The following HIF1A variants were observed in gnomAD, a reference collection of about 807,000 sequenced individuals.
HIF1A encodes the protein hypoxia inducible factor 1 subunit alpha, also known as hypoxia-inducible factor 1-alpha.
Under a neutral mutation model 92.7 loss-of-function variants are expected in HIF1A, and 24 were observed. That is an observed-to-expected ratio of 0.26 (90% CI 0.19 to 0.36). The LOEUF (loss-of-function observed/expected upper bound fraction) is 0.36, where lower values mean the gene tolerates loss of function less well. Ranked by LOEUF, HIF1A falls within the 10% of genes least tolerant of loss-of-function variation. The pLI is 1.00. For missense variants in HIF1A, 799 were observed against 998.5 expected (o/e 0.80, Z 2.69); for synonymous variants, 319 against 338.7 (o/e 0.94, Z 0.64).
chr14:61,747,226 C>T lies in HIF1A; in HGVS notation c.*141C>T. ...GGTTAGTTCAATTTTGATCCCCTTTCTACTTAATTTACATTAATGCTCTTT... is the reference window on the plus strand; with the variant it reads ...GGTTAGTTCAATTTTGATCCCCTTTTTACTTAATTTACATTAATGCTCTTT... On this transcript the variant is annotated 3_prime_UTR_variant, in exon 15 of 15. Transcript: ENST00000337138. The T allele has an allele frequency of 1.7e-6, 1 of 578,534 alleles. No homozygotes were observed. Among genetic ancestry groups the T allele is most frequent in the Non-Finnish European group, 2.9e-6 (1 of 342,552 alleles). The allele number at this position is 578,534 out of a possible 1,614,324, so 35.8% of individuals were successfully genotyped here. A position where few individuals can be genotyped will look rare whatever the true frequency, so the allele number is the denominator to read the frequency against.
Position 61,707,575 on chromosome 14 carries a change from C to G in HIF1A, c.35+11736C>G, listed in dbSNP as rs185000025. On this transcript the variant is annotated intron_variant, in intron 1 of 14. Transcript: ENST00000337138. Reference sequence around the variant, plus strand: ...CGCGGTGTTTGGTTTTTTGTCCTTGCGATAGTTTGCTGAGAATGATGGTTT... The same window carrying G: ...CGCGGTGTTTGGTTTTTTGTCCTTGGGATAGTTTGCTGAGAATGATGGTTT... 2.2e-4 allele frequency among the ~76,000 whole-genome samples: 33 copies of G among 151,706 alleles called. 1 individual carries two copies. In the East Asian group the frequency reaches 3.9e-3, roughly 18 times the overall value.
chr14:61,701,507 A>T (rs1052152970), intron 1 of HIF1A, among the ~76,000 whole-genome samples: 26 of 151,964 alleles, frequency 1.7e-4, no homozygotes, highest in African/African-American at 6.3e-4. Flanking sequence ...CAGCTGAAAA[A>T]TACTATGGTT....
chr14:61,706,707 A>C (rs925098185), intron 1 of HIF1A, among the ~76,000 whole-genome samples: 4 of 152,214 alleles, frequency 2.6e-5, no homozygotes, highest in Non-Finnish European at 5.9e-5. Context: ...CCCATTCGCC[A>C]GAGATTCTGA....
intron 8 of HIF1A, among the ~76,000 whole-genome samples, chr14:61,735,978 T>C (rs2044631851): frequency 7.1e-6 from 1 of 140,998 alleles, no homozygotes; most frequent in Admixed American, 7.9e-5. Flanking sequence ...AAAGGATATC[T>C]GAAATTCTTT....
chr14:61,742,193 G>A (rs2044719705), intron 12 of HIF1A, among the ~76,000 whole-genome samples: 1 of 152,198 alleles, frequency 6.6e-6, no homozygotes, highest in Admixed American at 6.5e-5. Flanking sequence ...TAATTTGTAA[G>A]GGGATTTCAC....
intron 4 of HIF1A, 131 bp downstream of exon 4, chr14:61,721,954 A>G (rs191425760): frequency 3.2e-4 from 197 of 615,146 alleles, no homozygotes; most frequent in Non-Finnish European, 2.6e-4. Flanking sequence ...TAAAATGTCT[A>G]TTCTTTGTTA....
At chr14:61,722,812 AT>A (rs1308381209) in intron 4 of HIF1A, among the ~76,000 whole-genome samples, 1 of 152,264 alleles carries the variant, frequency 6.6e-6, no homozygotes, top group African/African-American at 2.4e-5. Context: ...TTAGGAATTA[AT>A]TGTTAAAAAT....
intron 1 of HIF1A, among the ~76,000 whole-genome samples, chr14:61,712,979 C>G (rs1298788974): frequency 1.4e-5 from 2 of 147,536 alleles, no homozygotes; most frequent in East Asian, 4.0e-4. Context: ...AAAACAGAAA[C>G]AAAATGATGT....
chr14:61,712,844 T>C (rs1208333972), intron 1 of HIF1A, among the ~76,000 whole-genome samples: 1 of 151,306 alleles, frequency 6.6e-6, no homozygotes, highest in Non-Finnish European at 1.5e-5. Flanking sequence ...CAAAGATGAA[T>C]GTGTGACAGT....
intron 8 of HIF1A, among the ~76,000 whole-genome samples, chr14:61,736,132 C>T (rs1445143728): frequency 6.6e-6 from 1 of 151,942 alleles, no homozygotes; most frequent in Non-Finnish European, 1.5e-5. Context: ...GTGTGCACCA[C>T]CACACCGGGC....
chr14:61,726,913 A>C (rs2044512734), intron 5 of HIF1A, 95 bp downstream of exon 5: 1 of 655,410 alleles, frequency 1.5e-6, no homozygotes, highest in East Asian at 3.0e-5. Flanking sequence ...GAAGGTTTAC[A>C]GTTCCATGGT....
At position 61,734,396 on chromosome 14, in the gene HIF1A, C is replaced by A; in HGVS notation, c.1028+111C>A. The A allele has an allele frequency of 5.6e-6, 4 of 712,706 alleles. No individual in the cohort carries two copies. In the South Asian group the frequency reaches 7.2e-5, roughly 13 times the overall value. The allele number at this position is 712,706 out of a possible 1,614,324, so 44.1% of individuals were successfully genotyped here. The stretch of plus-strand genomic sequence containing the variant: ...AATAAATATTAACTAAATTTTAATT[C>A]TTTTACATCGCTACCAAATTATTAT... On this transcript the variant is annotated intron_variant, in intron 8 of 14. Transcript: ENST00000337138.
At chr14:61,725,715 C>T (rs903440448) in intron 4 of HIF1A, among the ~76,000 whole-genome samples, 6 of 150,722 alleles carry the variant, frequency 4.0e-5, no homozygotes, top group Admixed American at 1.3e-4. Flanking sequence ...AGCCACTGCG[C>T]CCAGCAAGAT....
At chr14:61,733,209 C>T (rs958297351) in intron 7 of HIF1A, among the ~76,000 whole-genome samples, 1 of 152,170 alleles carries the variant, frequency 6.6e-6, no homozygotes, top group Admixed American at 6.5e-5. Context: ...CCTCATCCTC[C>T]CAAGTAGCTG....
At position 61,736,908 on chromosome 14, in the gene HIF1A, T is replaced by C; in HGVS notation, c.1048T>C (p.Leu350=). 6.2e-7 allele frequency: 1 copy of C among 1,613,466 alleles called. No individual in the cohort carries two copies. Among genetic ancestry groups the C allele is most frequent in the Non-Finnish European group, 8.5e-7 (1 of 1,179,384 alleles). Residue 350 remains leucine (L), a synonymous_variant, in exon 9 of 15, where the codon TTG becomes CTG. Coordinates refer to ENST00000337138, the MANE Select transcript of HIF1A (RefSeq NM_001530.4). ...TGACAGTGGTATTATTCAGCACGAC[T>C]TGATTTTCTCCCTTCAACAAACAGA... ...YVVSGIIQHD[L]IFSLQQTECV... is the part of the protein sequence containing the mutation.
At chr14:61,725,305 T>C (rs181431244) in intron 4 of HIF1A, among the ~76,000 whole-genome samples, 2 of 152,376 alleles carry the variant, frequency 1.3e-5, no homozygotes, top group Non-Finnish European at 2.9e-5. Flanking sequence ...TACTCATCTT[T>C]GTATTGCCTA....
Position 61,703,817 on chromosome 14 carries a change from T to TGCTACCATTGA in HIF1A, c.35+7978_35+7979insGCTACCATTGA, listed in dbSNP as rs71117846. 3.9e-5 allele frequency among the ~76,000 whole-genome samples: 6 copies of TGCTACCATTGA among 152,042 alleles called. No homozygotes were observed. In the South Asian group the frequency reaches 1.0e-3, roughly 26 times the overall value. Reference sequence around the variant, plus strand: ...TACTATACACAGAACTCTTGACCAGTAATTAATGGGCCATGAGTTTTTGTT... The same window carrying TGCTACCATTGA: ...TACTATACACAGAACTCTTGACCAGTGCTACCATTGAAATTAATGGGCCATGAGTTTTTGTT... On this transcript the variant is annotated intron_variant, in intron 1 of 14. Coordinates refer to ENST00000337138, the MANE Select transcript of HIF1A (RefSeq NM_001530.4).
chr14:61,730,758 C>T (rs2044567163), intron 6 of HIF1A, among the ~76,000 whole-genome samples: 1 of 152,118 alleles, frequency 6.6e-6, no homozygotes, highest in Non-Finnish European at 1.5e-5. Flanking sequence ...TGAGTTTTGT[C>T]TTTGCATTTT....
Position 61,745,723 on chromosome 14 carries a change from A to C in HIF1A, c.2235A>C (p.Ala745=), listed in dbSNP as rs147945036. 1.9e-6 allele frequency: 3 copies of C among 1,612,024 alleles called. No homozygotes were observed. The highest frequency in any genetic ancestry group is 2.5e-6 in the Non-Finnish European group (3 of 1,178,068). Reference sequence around the variant, plus strand: ...TATTACAGCAGCCAGACGATCATGCAGCTACTACATCACTTTCTTGGAAAC... The same window carrying C: ...TATTACAGCAGCCAGACGATCATGCCGCTACTACATCACTTTCTTGGAAAC... ...GTLLQQPDDH[A]ATTSLSWKRV... Residue 745 remains alanine, a synonymous_variant, in exon 14 of 15, where the codon GCA becomes GCC. Coordinates refer to ENST00000337138, the MANE Select transcript of HIF1A (RefSeq NM_001530.4).
Sources: allele counts gnomAD v4.1 joint callset (sites outside exome capture counted in the v4.1 genomes callset), GRCh38; gene constraint gnomAD v4.1.1; transcripts MANE v1.5; gene names NCBI Gene and HGNC (gene_info 2026-07-23, HGNC 2026-07-21).